NRG1: variants seen among roughly 807,000 people sequenced by gnomAD.
The protein encoded by NRG1 is neuregulin 1.
Under a neutral mutation model 63.8 loss-of-function variants are expected in NRG1, and 18 were observed. The observed-to-expected ratio is 0.28, with a 90% CI of 0.19 to 0.42. The LOEUF is 0.42. Among genes scored for constraint, NRG1 ranks in the 10% least tolerant of loss-of-function variants. The pLI, the probability that NRG1 is intolerant of heterozygous loss-of-function variation, is 1.00. For missense variants in NRG1, 762 were observed against 814.7 expected (o/e 0.94, Z 0.79); for synonymous variants, 302 against 301.3 (o/e 1.00, Z -0.02).
At chr8:32,048,446 CAT>C (rs869311093) in intron 1 of NRG1, among the ~76,000 whole-genome samples, 442 of 6,620 alleles carry the variant, frequency 0.067, 2 homozygotes, top group Middle Eastern at 0.25. Flanking sequence ...TATATACATA[CAT>C]ATATATATAT....
chr8:31,710,945 A>G (rs183192010), intron 1 of NRG1, among the ~76,000 whole-genome samples: 1 of 152,186 alleles, frequency 6.6e-6, no homozygotes, highest in African/African-American at 2.4e-5. Flanking sequence ...TTTTAAGTAT[A>G]CTTCTGATAT....
chr8:31,994,063 C>T (rs1000836707), intron 1 of NRG1, among the ~76,000 whole-genome samples: 1 of 151,844 alleles, frequency 6.6e-6, no homozygotes, highest in Non-Finnish European at 1.5e-5. Context: ...CATCTTAAAG[C>T]GAGGTACAGG....
chr8:31,900,343 G>A (rs1252766012), intron 1 of NRG1, among the ~76,000 whole-genome samples: 2 of 152,088 alleles, frequency 1.3e-5, no homozygotes, highest in African/African-American at 4.8e-5. Context: ...AAGCTCTAGT[G>A]AAAAATGGAA....
chr8:31,715,256 CAA>C lies in NRG1; in HGVS notation c.37+75827_37+75828del, dbSNP rs1231711553. Among the ~76,000 whole-genome samples the C allele has an allele frequency of 6.6e-5, 10 of 152,060 alleles. No individual in the cohort carries two copies. The East Asian group carries it at 1.9e-3, about 29-fold the overall frequency. On this transcript the variant is annotated intron_variant, in intron 1 of 10. Transcript: ENST00000519301. The stretch of plus-strand genomic sequence containing the variant: ...TGTAATATTAGAGGTGGAAACAAGA[CAA>C]AGTTTCTTTGACAAAAAGGTGCATG...
intron 1 of NRG1, among the ~76,000 whole-genome samples, chr8:31,693,497 T>TTAA (rs568988541): frequency 1.4e-5 from 2 of 145,376 alleles, no homozygotes; most frequent in East Asian, 2.0e-4. Context: ...TAAAATGCAG[T>TTAA]AAAAAAAAAA....
At chr8:32,040,616 C>T (rs1819788682) in intron 1 of NRG1, among the ~76,000 whole-genome samples, 1 of 148,524 alleles carries the variant, frequency 6.7e-6, no homozygotes, top group Non-Finnish European at 1.5e-5. Flanking sequence ...TGCATATATA[C>T]ACATATATAC....
At chr8:31,775,145 T>G (rs527853302) in intron 1 of NRG1, among the ~76,000 whole-genome samples, 1 of 152,340 alleles carries the variant, frequency 6.6e-6, no homozygotes, top group African/African-American at 2.4e-5. Flanking sequence ...CCTGTACTCA[T>G]ATATTTATCA....
chr8:31,686,425 A>G (rs1808899472), intron 1 of NRG1, among the ~76,000 whole-genome samples: 1 of 152,164 alleles, frequency 6.6e-6, no homozygotes, highest in Non-Finnish European at 1.5e-5. Context: ...ATTTTTGTGT[A>G]TAGACATTTA....
chr8:32,307,123 TC>T (rs763503771), intron 1 of NRG1, among the ~76,000 whole-genome samples: 42 of 152,194 alleles, frequency 2.8e-4, no homozygotes, highest in South Asian at 1.7e-3. Context: ...GTAGTCAACT[TC>T]CCCTTATGGA....
chr8:32,010,344 G>T (rs145237617), intron 1 of NRG1, among the ~76,000 whole-genome samples: 1 of 151,978 alleles, frequency 6.6e-6, no homozygotes, highest in Admixed American at 6.6e-5. Flanking sequence ...ACCCATGTAG[G>T]TGATCCTGGT....
At chr8:32,542,180 G>GA (rs1321941105) in intron 1 of NRG1, among the ~76,000 whole-genome samples, 2 of 151,712 alleles carry the variant, frequency 1.3e-5, no homozygotes, top group South Asian at 2.1e-4. Flanking sequence ...GCAAATTCAG[G>GA]AAAAAAAAGT....
intron 1 of NRG1, among the ~76,000 whole-genome samples, chr8:32,308,327 A>G (rs968185172): frequency 6.6e-6 from 1 of 152,170 alleles, no homozygotes; most frequent in Non-Finnish European, 1.5e-5. Context: ...ATGAGCTGCC[A>G]TGTGTTTGCT....
intron 1 of NRG1, among the ~76,000 whole-genome samples, chr8:32,083,783 A>AT (rs5890622): frequency 0.97 from 147,582 of 151,954 alleles, 71,813 homozygotes; most frequent in Non-Finnish European, 1. Flanking sequence ...GTATATATGT[A>AT]TTTTTTTAAT....
Position 31,742,455 on chromosome 8 carries a change from A to ATTTTTTTT in NRG1, c.37+103043_37+103050dup, listed in dbSNP as rs36040084. 1.3e-3 allele frequency among the ~76,000 whole-genome samples: 106 copies of ATTTTTTTT among 80,014 alleles called. 12 individuals carry two copies. The highest frequency in any genetic ancestry group is 3.7e-3 in the African/African-American group (76 of 20,408). 52.5% of individuals were successfully genotyped at this position (80,014 alleles called of 152,430 possible). On this transcript the variant is annotated intron_variant, in intron 1 of 10. Transcript: ENST00000519301. ...GCAACGACAGACAACTTTTTTAAGA[A>ATTTTTTTT]TTTTTTTTTTTTTTTTTTTTTTTTT...
intron 1 of NRG1, among the ~76,000 whole-genome samples, chr8:31,787,132 A>G (rs1458520409): frequency 6.6e-6 from 1 of 152,236 alleles, no homozygotes; most frequent in East Asian, 1.9e-4. Flanking sequence ...AGGAAAGTGG[A>G]TGAAGACCAA....
chr8:31,754,241 C>T (rs1233323843), intron 1 of NRG1, among the ~76,000 whole-genome samples: 2 of 151,984 alleles, frequency 1.3e-5, no homozygotes, highest in African/African-American at 4.8e-5. Flanking sequence ...ATTCTAATTC[C>T]CAATGTTGGA....
At chr8:32,599,685 G>C (rs1843975850) in intron 2 of NRG1, among the ~76,000 whole-genome samples, 1 of 152,164 alleles carries the variant, frequency 6.6e-6, no homozygotes, top group Non-Finnish European at 1.5e-5. Flanking sequence ...TTTTGATCAA[G>C]AAAACTGGTT....
intron 5 of NRG1, among the ~76,000 whole-genome samples, chr8:32,657,014 C>T (rs902239761): frequency 6.6e-6 from 1 of 151,868 alleles, no homozygotes; most frequent in African/African-American, 2.4e-5. Flanking sequence ...CCAGAGTTAG[C>T]ACAGAATTTA....
chr8:31,665,414 G>C (rs535000684), intron 1 of NRG1, among the ~76,000 whole-genome samples: 1 of 152,254 alleles, frequency 6.6e-6, no homozygotes, highest in Admixed American at 6.5e-5. Flanking sequence ...TTTTGGTAAG[G>C]GTACAGGTCA....
Sources: allele counts gnomAD v4.1 joint callset (sites outside exome capture counted in the v4.1 genomes callset), GRCh38; gene constraint gnomAD v4.1.1; transcripts MANE v1.5; gene names NCBI Gene and HGNC (gene_info 2026-07-23, HGNC 2026-07-21).